The following MPZL1 variants were observed in gnomAD, a reference collection of about 807,000 sequenced individuals.
The protein encoded by MPZL1 is myelin protein zero-like protein 1.
A neutral mutation model predicts 29.3 loss-of-function variants in MPZL1; 16 were observed. That is an observed-to-expected ratio of 0.55 (90% confidence interval 0.37 to 0.83). MPZL1 has a LOEUF of 0.83. Among genes scored for constraint, MPZL1 ranks in the 40% least tolerant of loss-of-function variants. The pLI is 0.00. For synonymous variants in MPZL1, 143 were observed against 132.0 expected (o/e 1.08, Z -0.57); for missense variants, 279 against 332.9 (o/e 0.84, Z 1.26).
chr1:167,763,590 C>T (rs943198071), intron 1 of MPZL1, among the ~76,000 whole-genome samples: 2 of 152,012 alleles, frequency 1.3e-5, no homozygotes, highest in East Asian at 1.9e-4. Flanking sequence ...GTACTCATCA[C>T]CATGGAGAAA....
At chr1:167,736,278 A>C (rs1571137583) in intron 1 of MPZL1, among the ~76,000 whole-genome samples, 1 of 152,170 alleles carries the variant, frequency 6.6e-6, no homozygotes, top group East Asian at 1.9e-4. Flanking sequence ...AATTTCGTCC[A>C]TTTTTGTCTG....
At chr1:167,749,668 A>G (rs1359792883) in intron 1 of MPZL1, among the ~76,000 whole-genome samples, 1 of 152,246 alleles carries the variant, frequency 6.6e-6, no homozygotes, top group South Asian at 2.1e-4. Flanking sequence ...TCACAAAAAA[A>G]GAACTTCAGA....
At chr1:167,756,623 C>A (rs1660874379) in intron 1 of MPZL1, among the ~76,000 whole-genome samples, 1 of 151,978 alleles carries the variant, frequency 6.6e-6, no homozygotes, top group Non-Finnish European at 1.5e-5. Flanking sequence ...TATGCTGAAG[C>A]CATTTGTTGT....
At chr1:167,771,766 A>G (rs1045405333) in intron 2 of MPZL1, among the ~76,000 whole-genome samples, 8 of 152,128 alleles carry the variant, frequency 5.3e-5, no homozygotes, top group Admixed American at 3.9e-4. Flanking sequence ...TTGGGAGACC[A>G]AGGCAGGTGG....
intron 2 of MPZL1, 38 bp downstream of exon 2, chr1:167,765,787 A>G (rs1661104689): frequency 6.5e-7 from 1 of 1,529,308 alleles, no homozygotes; most frequent in Non-Finnish European, 8.8e-7. Context: ...GTCCTGCCTC[A>G]CAGGTTTCTT....
At chr1:167,764,847 A>G (rs1322849484) in intron 1 of MPZL1, among the ~76,000 whole-genome samples, 1 of 152,232 alleles carries the variant, frequency 6.6e-6, no homozygotes, top group African/African-American at 2.4e-5. Flanking sequence ...GACACGGAAG[A>G]AAGTTAAGTG....
intron 4 of MPZL1, 55 bp from the exon 5 acceptor site, chr1:167,776,009 A>T: frequency 8.2e-7 from 1 of 1,217,682 alleles, no homozygotes; most frequent in Admixed American, 2.6e-5. Context: ...TTTTGTTTCT[A>T]TTTATTTATT....
chr1:167,752,499 T>C (rs993911031), intron 1 of MPZL1, among the ~76,000 whole-genome samples: 1 of 152,218 alleles, frequency 6.6e-6, no homozygotes, highest in Admixed American at 6.5e-5. Flanking sequence ...CAGTATCTAA[T>C]GAGACTCATC....
At chr1:167,738,001 C>T (rs970065161) in intron 1 of MPZL1, among the ~76,000 whole-genome samples, 2 of 152,116 alleles carry the variant, frequency 1.3e-5, no homozygotes, top group Non-Finnish European at 2.9e-5. Context: ...TCTCGGCTCG[C>T]TGCAAGCTCC....
chr1:167,776,143 A>G lies in MPZL1; in HGVS notation c.685A>G (p.Ser229Gly), dbSNP rs1661362170. Residue 229 changes from serine to glycine, a missense_variant, in exon 5 of 6, where the codon AGT becomes GGT. By Grantham distance (56) the Ser-to-Gly change is moderately conservative (BLOSUM62 0). Coordinates refer to ENST00000359523, the MANE Select transcript of MPZL1 (RefSeq NM_003953.6). ...SPSDTEGLVK[S>G]LPSGSHQGPV... is the part of the protein sequence containing the mutation. ...CTCCGACACTGAGGGTCTTGTAAAGAGTCTGCCTTCTGGATCTCACCAGGT... is the reference window on the plus strand; with the variant it reads ...CTCCGACACTGAGGGTCTTGTAAAGGGTCTGCCTTCTGGATCTCACCAGGT... 1 of 1,612,534 alleles carries G rather than the reference A, an allele frequency of 6.2e-7. No individual in the cohort carries two copies. The highest frequency in any genetic ancestry group is 1.7e-5 in the Admixed American group (1 of 59,896).
chr1:167,759,904 C>T (rs1660946703), intron 1 of MPZL1, among the ~76,000 whole-genome samples: 1 of 152,148 alleles, frequency 6.6e-6, no homozygotes, highest in South Asian at 2.1e-4. Flanking sequence ...GAGAGGTAGC[C>T]AGGAGTTAGC....
At chr1:167,742,690 G>A (rs1296914714) in intron 1 of MPZL1, among the ~76,000 whole-genome samples, 1 of 152,092 alleles carries the variant, frequency 6.6e-6, no homozygotes, top group Non-Finnish European at 1.5e-5. Flanking sequence ...TTTGGGTCTT[G>A]GTCATGAAGT....
intron 1 of MPZL1, among the ~76,000 whole-genome samples, chr1:167,739,274 C>CATATACATATATATATATAT (rs1660452463): frequency 1.2e-5 from 1 of 83,304 alleles, no homozygotes; most frequent in African/African-American, 6.5e-5. Flanking sequence ...TACATATATA[C>CATATACATATATATATATAT]ATATATACAT....
intron 5 of MPZL1, among the ~76,000 whole-genome samples, chr1:167,786,913 T>C (rs916081241): frequency 6.6e-6 from 1 of 152,210 alleles, no homozygotes; most frequent in African/African-American, 2.4e-5. Context: ...TTGTTTACAA[T>C]TTTAAGAGTC....
At chr1:167,739,282 CATATATATATAT>C (rs71959233) in intron 1 of MPZL1, among the ~76,000 whole-genome samples, 2 of 90,442 alleles carry the variant, frequency 2.2e-5, no homozygotes, top group South Asian at 3.3e-4. Context: ...TACATATATA[CATATATATATAT>C]ATATATATAT....
At chr1:167,768,248 A>G (rs1661162166) in intron 2 of MPZL1, among the ~76,000 whole-genome samples, 1 of 152,168 alleles carries the variant, frequency 6.6e-6, no homozygotes, top group South Asian at 2.1e-4. Flanking sequence ...GGCCCAGCCT[A>G]CCACTTTAGC....
chr1:167,753,018 T>C (rs1660788460), intron 1 of MPZL1, among the ~76,000 whole-genome samples: 1 of 152,192 alleles, frequency 6.6e-6, no homozygotes, highest in Admixed American at 6.5e-5. Flanking sequence ...CTGAAGTTAA[T>C]TGCAAGGGAG....
At chr1:167,733,969 A>C (rs1660323665) in intron 1 of MPZL1, among the ~76,000 whole-genome samples, 1 of 151,680 alleles carries the variant, frequency 6.6e-6, no homozygotes, top group African/African-American at 2.4e-5. Flanking sequence ...AGATAAATGC[A>C]CTGTAGGCCG....
At chr1:167,737,064 T>G (rs1373006486) in intron 1 of MPZL1, among the ~76,000 whole-genome samples, 1 of 152,242 alleles carries the variant, frequency 6.6e-6, no homozygotes, top group African/African-American at 2.4e-5. Context: ...TCATCTCAGA[T>G]GTAATCTCAA....
Sources: allele counts gnomAD v4.1 joint callset (sites outside exome capture counted in the v4.1 genomes callset), GRCh38; gene constraint gnomAD v4.1.1; transcripts MANE v1.5; gene names NCBI Gene and HGNC (gene_info 2026-07-23, HGNC 2026-07-21).